The following NHSL3 variants were observed in gnomAD, a reference collection of about 807,000 sequenced individuals.
The protein encoded by NHSL3 is NHS like 3.
At chr1:32,743,057 A>G in the NHSL3 span, among the ~76,000 whole-genome samples, 1 of 152,200 alleles carries the variant, frequency 6.6e-6, no homozygotes, top group East Asian at 1.9e-4. Context: ...TGCTGGGGTC[A>G]TTTTCAGTTC....
At chr1:32,771,360 G>A in the NHSL3 span, 4 of 1,592,548 alleles carry the variant, frequency 2.5e-6, no homozygotes, top group South Asian at 4.5e-5. Context: ...CCAAAGACCA[G>A]TCACCCCCAC....
the NHSL3 span, chr1:32,770,347 G>A: frequency 8.7e-6 from 14 of 1,610,984 alleles, no homozygotes; most frequent in Non-Finnish European, 1.2e-5. The surrounding 1 kb of genome is among the most constrained non-coding windows in gnomAD (Gnocchi z 8.3). Context: ...CCCAGCCTCA[G>A]TCCGCTCGCT....
At chr1:32,765,354 A>C in the NHSL3 span, among the ~76,000 whole-genome samples, 1 of 152,188 alleles carries the variant, frequency 6.6e-6, no homozygotes, top group African/African-American at 2.4e-5. Flanking sequence ...GCAGGTGGGC[A>C]CCCTGCCAAG....
the NHSL3 span, chr1:32,773,042 T>C: frequency 5.5e-5 from 39 of 708,840 alleles, no homozygotes; most frequent in African/African-American, 5.7e-4. Context: ...TATGCAAGCC[T>C]GGTGTTGCTC....
At chr1:32,771,722 C>T in the NHSL3 span, 1 of 1,613,488 alleles carries the variant, frequency 6.2e-7, no homozygotes, top group Non-Finnish European at 8.5e-7. Flanking sequence ...GCTAGTTCCG[C>T]CCCAGGGCAT....
At chr1:32,753,920 G>A in the NHSL3 span, 1 of 243,306 alleles carries the variant, frequency 4.1e-6, no homozygotes. Flanking sequence ...CTCCGGGCCC[G>A]CCCCCGGCCT....
chr1:32,768,765 C>A, the NHSL3 span: 1 of 1,613,836 alleles, frequency 6.2e-7, no homozygotes, highest in South Asian at 1.1e-5. Context: ...CGGAGATGAT[C>A]CAGCGCAAAG....
chr1:32,757,677 C>T, the NHSL3 span, among the ~76,000 whole-genome samples: 1 of 152,152 alleles, frequency 6.6e-6, no homozygotes, highest in African/African-American at 2.4e-5. Flanking sequence ...CCAACAGTCC[C>T]ACAAGCCACA....
At chr1:32,751,689 G>T in the NHSL3 span, among the ~76,000 whole-genome samples, 1 of 152,204 alleles carries the variant, frequency 6.6e-6, no homozygotes, top group South Asian at 2.1e-4. Flanking sequence ...AGCATGTAGA[G>T]CAGGGCATTG....
chr1:32,770,540 C>A, the NHSL3 span: 2 of 1,533,710 alleles, frequency 1.3e-6, no homozygotes, highest in South Asian at 1.3e-5. This position sits in a 1 kb window ranked among gnomAD's most constrained non-coding sequence, Gnocchi z 8.3. Flanking sequence ...GTGGTACCCC[C>A]TCCCCAGGGA....
the NHSL3 span, chr1:32,742,331 A>C: frequency 1.2e-6 from 1 of 814,302 alleles, no homozygotes; most frequent in Non-Finnish European, 1.6e-6. Flanking sequence ...GCCAGGGCTG[A>C]GTCCGAACAC....
At chr1:32,760,310 G>A in the NHSL3 span, among the ~76,000 whole-genome samples, 86 of 152,066 alleles carry the variant, frequency 5.7e-4, no homozygotes, top group South Asian at 0.012. Context: ...CACCACCCCC[G>A]CCCCTTGCTC....
the NHSL3 span, chr1:32,768,909 C>T: frequency 9.0e-7 from 1 of 1,107,924 alleles, no homozygotes; most frequent in Admixed American, 2.7e-5. Context: ...ACCCTGTGTC[C>T]TCTTGCACAT....
At chr1:32,745,791 T>C in the NHSL3 span, among the ~76,000 whole-genome samples, 4 of 152,278 alleles carry the variant, frequency 2.6e-5, no homozygotes, top group Non-Finnish European at 4.4e-5. Flanking sequence ...TCTGCTGTTG[T>C]TATGCTGCTG....
At chr1:32,771,044 C>T in the NHSL3 span, 1 of 1,613,696 alleles carries the variant, frequency 6.2e-7, no homozygotes, top group Non-Finnish European at 8.5e-7. Context: ...CTTCGCTCCC[C>T]TGGGGCCTCC....
chr1:32,772,313 A>T, the NHSL3 span: 2 of 1,406,622 alleles, frequency 1.4e-6, no homozygotes, highest in Non-Finnish European at 9.9e-7. Context: ...CCTCGAGCTG[A>T]GCCCCTTACT....
the NHSL3 span, chr1:32,742,256 G>GA: frequency 8.2e-7 from 1 of 1,224,038 alleles, no homozygotes; most frequent in Non-Finnish European, 1.0e-6. Context: ...GGGCTCTGCC[G>GA]GGGGTCCGCG....
the NHSL3 span, among the ~76,000 whole-genome samples, chr1:32,761,362 G>A: frequency 1.3e-5 from 2 of 152,172 alleles, no homozygotes. Flanking sequence ...GGTGGGGAGG[G>A]GGAGGGGTGT....
At chr1:32,750,557 G>C in the NHSL3 span, among the ~76,000 whole-genome samples, 1 of 152,224 alleles carries the variant, frequency 6.6e-6, no homozygotes, top group Admixed American at 6.5e-5. Context: ...TCCCAGGCTG[G>C]AGTGCAGTGG....
Sources: allele counts gnomAD v4.1 joint callset (sites outside exome capture counted in the v4.1 genomes callset), GRCh38; gene constraint gnomAD v4.1.1; non-coding constraint Gnocchi (gnomAD v3.1); transcripts MANE v1.5; gene names NCBI Gene and HGNC (gene_info 2026-07-23, HGNC 2026-07-21).